The following COL22A1 variants were observed in gnomAD, a reference collection of about 807,000 sequenced individuals.
COL22A1 encodes the protein collagen alpha-1(XXII) chain.
A neutral mutation model predicts 248.9 loss-of-function variants in COL22A1; 221 were observed. The ratio of observed to expected loss-of-function variants is 0.89; its 90% CI spans 0.80 to 0.99. The LOEUF is 0.99. Among genes scored for constraint, COL22A1 ranks in the 50% least tolerant of loss-of-function variants. The pLI is 0.00. For synonymous variants in COL22A1, 891 were observed against 793.4 expected, an observed-to-expected ratio of 1.12 and a Z score of -2.07; for missense variants, 2,240 against 2,179.0, an observed-to-expected ratio of 1.03 and a Z score of -0.56.
chr8:138,708,076 C>T (rs1221804453), intron 30 of COL22A1, among the ~76,000 whole-genome samples: 11 of 152,244 alleles, frequency 7.2e-5, no homozygotes, highest in Admixed American at 3.9e-4. Context: ...ATCCAACTTA[C>T]AAGGGACATG....
rs554700319 is a variant in COL22A1, at chr8:138,892,100, T to A, written c.-72-8856A>T. ...ATGAGAGTTACTGGTCTGTGGTTTC[T>A]TGTAATGTCCTCATTTGGTTTTGGT... On this transcript the variant is annotated intron_variant, in intron 1 of 64. Transcript: ENST00000303045. 2.0e-5 allele frequency among the ~76,000 whole-genome samples: 3 copies of A among 152,358 alleles called. No homozygotes were observed. In the South Asian group the frequency reaches 6.2e-4, roughly 32 times the overall value.
chr8:138,807,915 T>G (rs1817863791), intron 9 of COL22A1, 103 bp from the exon 10 acceptor site: 1 of 1,193,116 alleles, frequency 8.4e-7, no homozygotes, highest in African/African-American at 1.5e-5. Flanking sequence ...AGCCAATGGC[T>G]TAGTAAGCCC....
rs185166617 is a variant in COL22A1 at position 138,608,275 on chromosome 8, T to C, written c.3979-286A>G. Among the ~76,000 whole-genome samples the C allele has an allele frequency of 1.5e-4, 23 of 152,366 alleles. No homozygotes were observed. In the East Asian group the frequency reaches 1.7e-3, roughly 11 times the overall value. On this transcript the variant is annotated intron_variant, in intron 56 of 64. Coordinates refer to ENST00000303045, the MANE Select transcript of COL22A1 (RefSeq NM_152888.3). ...ACAGCTGAGGCATAGTAAATAATTATGACCACGTTCATTCATTCATCTATT... is the reference window on the plus strand; with the variant it reads ...ACAGCTGAGGCATAGTAAATAATTACGACCACGTTCATTCATTCATCTATT...
chr8:138,616,275 C>T (rs1323612265), intron 54 of COL22A1, among the ~76,000 whole-genome samples: 1 of 152,216 alleles, frequency 6.6e-6, no homozygotes, highest in African/African-American at 2.4e-5. Context: ...CATGCTGTGC[C>T]TCTCTGTGCA....
At chr8:138,884,364 C>G (rs1286923080) in intron 1 of COL22A1, among the ~76,000 whole-genome samples, 1 of 152,100 alleles carries the variant, frequency 6.6e-6, no homozygotes, top group African/African-American at 2.4e-5. Context: ...CATTTACACA[C>G]AGTCAGTAAG....
chr8:138,725,350 T>C, intron 24 of COL22A1, 37 bp downstream of exon 24: 1 of 1,608,560 alleles, frequency 6.2e-7, no homozygotes, highest in Non-Finnish European at 8.5e-7. Context: ...GAAACCACCA[T>C]CTAAGAGCCC....
At chr8:138,806,866 A>G (rs901642044) in intron 10 of COL22A1, among the ~76,000 whole-genome samples, 1 of 152,176 alleles carries the variant, frequency 6.6e-6, no homozygotes, top group Non-Finnish European at 1.5e-5. Flanking sequence ...GAAGTGGGCA[A>G]AAAGAAAGAG....
intron 30 of COL22A1, among the ~76,000 whole-genome samples, chr8:138,705,193 G>A (rs1828321317): frequency 6.6e-6 from 1 of 152,302 alleles, no homozygotes. Context: ...ATGGAACCAA[G>A]TTGGAAAACA....
In COL22A1 at chr8:138,720,387, G is replaced by A. The variant is rs561227736; in HGVS notation, c.2355+352C>T. ...CCCTCCCTGCCAGGATAAGCCAGAC[G>A]CTGATGATATTCTTCTTCCCAAGGC... On this transcript the variant is annotated intron_variant, in intron 27 of 64. Coordinates refer to ENST00000303045, the MANE Select transcript of COL22A1 (RefSeq NM_152888.3). Among the ~76,000 whole-genome samples the A allele has an allele frequency of 5.5e-4, 84 of 152,146 alleles. No homozygotes were observed. The East Asian group carries it at 6.4e-3, about 12-fold the overall frequency.
intron 14 of COL22A1, 23 bp downstream of exon 14, chr8:138,779,486 G>T (rs1780976661): frequency 1.3e-6 from 2 of 1,591,154 alleles, no homozygotes; most frequent in Non-Finnish European, 8.6e-7. Flanking sequence ...CATCAGAAGG[G>T]CCCAGCTCAC....
At chr8:138,691,762 G>A (rs1826936132) in intron 35 of COL22A1, among the ~76,000 whole-genome samples, 1 of 151,802 alleles carries the variant, frequency 6.6e-6, no homozygotes, top group Non-Finnish European at 1.5e-5. Flanking sequence ...GTGTATATGT[G>A]TACACGTAAG....
intron 41 of COL22A1, among the ~76,000 whole-genome samples, chr8:138,668,341 C>G (rs1244364867): frequency 6.6e-6 from 1 of 152,060 alleles, no homozygotes. Flanking sequence ...GTTTATTTTA[C>G]TATTCTACCT....
In COL22A1 at chr8:138,623,799, T is replaced by C; in HGVS notation, c.3718-14A>G. Reference sequence around the variant, plus strand: ...GCCTTCTTCTCCCTGCAAGAGAAACTCAAATTGGTTATCAGGTCAAAGAAG... The same window carrying C: ...GCCTTCTTCTCCCTGCAAGAGAAACCCAAATTGGTTATCAGGTCAAAGAAG... On this transcript the variant is annotated splice_polypyrimidine_tract_variant and intron_variant, in intron 51 of 64. Transcript: ENST00000303045. 1 of 1,610,804 alleles carries C rather than the reference T, an allele frequency of 6.2e-7. No homozygotes were observed.
chr8:138,830,367 T>C (rs545821748), intron 5 of COL22A1, among the ~76,000 whole-genome samples: 10 of 152,362 alleles, frequency 6.6e-5, no homozygotes, highest in African/African-American at 2.4e-4. Context: ...AAAATGTAAA[T>C]ATTAAAAGTG....
Position 138,829,437 on chromosome 8 carries a change from C to T in COL22A1, c.846-2656G>A, listed in dbSNP as rs567872956. Among the ~76,000 whole-genome samples, 18 of 102,828 alleles carry T rather than the reference C, an allele frequency of 1.8e-4. 1 individual carries two copies. In the South Asian group the frequency reaches 3.9e-3, roughly 22 times the overall value. 67.5% of individuals were successfully genotyped at this position (102,828 alleles called of 152,430 possible). On this transcript the variant is annotated intron_variant, in intron 5 of 64. Coordinates refer to ENST00000303045, the MANE Select transcript of COL22A1 (RefSeq NM_152888.3). ...TTTTTTTTTTTTTGAGACAGAGTCT[C>T]GCTTTGTCTTCCAGGCTAGAGTGCA... is the stretch of plus-strand genomic sequence containing the variant.
chr8:138,782,043 T>C (rs1815057041), intron 12 of COL22A1, among the ~76,000 whole-genome samples: 1 of 152,266 alleles, frequency 6.6e-6, no homozygotes, highest in African/African-American at 2.4e-5. Context: ...CTAGATTTTA[T>C]CTACAAACAT....
chr8:138,859,642 C>A (rs1822302954), intron 3 of COL22A1, among the ~76,000 whole-genome samples: 1 of 151,962 alleles, frequency 6.6e-6, no homozygotes, highest in South Asian at 2.1e-4. Flanking sequence ...GTGTAGCACA[C>A]AATCTAGGGG....
At chr8:138,683,550 G>T (rs1474349806) in intron 39 of COL22A1, among the ~76,000 whole-genome samples, 1 of 152,144 alleles carries the variant, frequency 6.6e-6, no homozygotes, top group African/African-American at 2.4e-5. Flanking sequence ...CTAGGTGTTG[G>T]TGGAAATGAA....
chr8:138,742,596 TGGTGATGGTGGAGTTGAG>T (rs1831702975), intron 22 of COL22A1, among the ~76,000 whole-genome samples: 1 of 152,128 alleles, frequency 6.6e-6, no homozygotes, highest in Non-Finnish European at 1.5e-5. Flanking sequence ...TTGATGGTGA[TGGTGATGGTGGAGTTGAG>T]GGTGATGGTG....
Sources: gnomAD v4.1 joint callset for allele counts (sites outside exome capture counted in the v4.1 genomes callset) on GRCh38, gnomAD v4.1.1 for gene constraint, MANE v1.5 for transcripts, NCBI Gene and HGNC (gene_info 2026-07-23, HGNC 2026-07-21) for gene names.